Variants in FSIP2 observed in about 807,000 individuals in gnomAD.
FSIP2 encodes the protein fibrous sheath interacting protein 2.
Under a neutral mutation model 510.5 loss-of-function variants are expected in FSIP2, and 367 were observed. The observed-to-expected ratio is 0.72, with a 90% confidence interval of 0.66 to 0.78. The LOEUF (loss-of-function observed/expected upper bound fraction) is 0.78, where lower values mean the gene tolerates loss of function less well. Among genes scored for constraint, FSIP2 ranks in the 30% least tolerant of loss-of-function variants. The pLI is 0.00. For missense variants in FSIP2, 7,594 were observed against 7,901.7 expected, an observed-to-expected ratio of 0.96 and a Z score of 1.48; for synonymous variants, 2,601 against 2,732.2, an observed-to-expected ratio of 0.95 and a Z score of 1.50.
chr2:185,745,566 T>C lies in FSIP2; in HGVS notation c.615T>C (p.His205=). Reference sequence around the variant, plus strand: ...AGGACCAGGAGCGGCTGATGAGGCATAGGTAAGATTAAAGTTGAGGCATAT... The same window carrying C: ...AGGACCAGGAGCGGCTGATGAGGCACAGGTAAGATTAAAGTTGAGGCATAT... ...SIKDQERLMR[H]RYLDMISRKL... The change falls in exon 5 of 23, where the codon CAT becomes CAC. Residue 205 remains histidine, a splice_region_variant and synonymous_variant. Transcript: ENST00000424728. 1 of 1,530,210 alleles carries C rather than the reference T, an allele frequency of 6.5e-7. No homozygotes were observed. The highest frequency in any genetic ancestry group is 1.2e-5 in the South Asian group (1 of 83,030). 94.8% of individuals were successfully genotyped at this position (1,530,210 alleles called of 1,614,324 possible). A position where few individuals can be genotyped will look rare whatever the true frequency, so the allele number is the denominator to read the frequency against.
chr2:185,779,460 T>C (rs1692796447), intron 13 of FSIP2, among the ~76,000 whole-genome samples: 1 of 152,106 alleles, frequency 6.6e-6, no homozygotes, highest in Non-Finnish European at 1.5e-5. Flanking sequence ...GTGATAAGTC[T>C]GGTTAATTGG....
chr2:185,739,534 G>C, intron 2 of FSIP2, 63 bp downstream of exon 2: 1 of 1,332,324 alleles, frequency 7.5e-7, no homozygotes, highest in Non-Finnish European at 9.7e-7. Context: ...TAACTCAAAG[G>C]CTGCATCATA....
chr2:185,816,855 CAGAG>C (rs58545522), intron 19 of FSIP2, among the ~76,000 whole-genome samples: 753 of 139,240 alleles, frequency 5.4e-3, no homozygotes, highest in Middle Eastern at 0.014. Flanking sequence ...AACTCTGAGA[CAGAG>C]AGAGAGAGAG....
Position 185,805,172 on chromosome 2 carries a change from GT to G in FSIP2, c.15868del (p.Ser5290LeufsTer17). On this transcript the variant is annotated frameshift_variant, in exon 17 of 23. Coordinates refer to ENST00000424728, the MANE Select transcript of FSIP2 (RefSeq NM_173651.4). LOFTEE classifies it high-confidence loss of function. ...ATCATTGACCTTGTTCACAAATTTT[GT>G]TCTCTCCTCATTATTACTGAAGATT... is the stretch of plus-strand genomic sequence containing the variant. ...DIIIDLVHKF[C>X]SLLIITEDSK... 4 of 1,610,038 alleles carry G rather than the reference GT, an allele frequency of 2.5e-6. No individual in the cohort carries two copies. Among genetic ancestry groups the G allele is most frequent in the Non-Finnish European group, 3.4e-6 (4 of 1,177,734 alleles).
rs1042017012 is a variant in FSIP2, at chr2:185,830,905, TA to T, written c.20518-901del. Among the ~76,000 whole-genome samples, 19 of 152,020 alleles carry T rather than the reference TA, an allele frequency of 1.2e-4. 1 individual carries two copies. The Middle Eastern group carries it at 0.034, about 272-fold the overall frequency. ...TATGGGCCTCAGGGATCCATACTTT[TA>T]AAAAAAGTTTCATGGATAACTCTAT... On this transcript the variant is annotated intron_variant, in intron 21 of 22. Transcript: ENST00000424728.
chr2:185,794,284 T>G lies in FSIP2; in HGVS notation c.7148T>G (p.Phe2383Cys). Residue 2383 changes from phenylalanine to cysteine, a missense_variant, in exon 16 of 23, where the codon TTC becomes TGC. Physicochemically the swap from Phe to Cys is radical, Grantham distance 205 (BLOSUM62 -2). Transcript: ENST00000424728. ...TATCCATATCAAAACAATATTTTGT[T>G]CCAAGAAAACATCATTGTGAGTGAA... The part of the protein sequence containing the change: ...KIYPYQNNIL[F>C]QENIIVSEIV... 6.5e-7 allele frequency: 1 copy of G among 1,527,276 alleles called. No individual in the cohort carries two copies. The highest frequency in any genetic ancestry group is 8.8e-7 in the Non-Finnish European group (1 of 1,142,448). The allele number at this position is 1,527,276 out of a possible 1,614,324, so 94.6% of individuals were successfully genotyped here. A position where few individuals can be genotyped will look rare whatever the true frequency, so the allele number is the denominator to read the frequency against.
Position 185,790,714 on chromosome 2 carries a change from T to C in FSIP2, c.3578T>C (p.Ile1193Thr). Residue 1193 changes from isoleucine (I) to threonine (T), a missense_variant, in exon 16 of 23, where the codon ATT becomes ACT. Ile to Thr is a moderately conservative substitution (Grantham distance 89). Coordinates refer to ENST00000424728, the MANE Select transcript of FSIP2 (RefSeq NM_173651.4). ...NYISNTTKSS[I>T]SSSVHQISLH... ...ATTTCCAATACCACTAAAAGTTCCA[T>C]TTCATCATCAGTTCATCAGATTTCC... 6.5e-7 allele frequency: 1 copy of C among 1,533,918 alleles called. No homozygotes were observed. Among genetic ancestry groups the C allele is most frequent in the South Asian group, 1.2e-5 (1 of 83,990 alleles).
chr2:185,763,139 C>G (rs1033965486), intron 11 of FSIP2, 44 bp from the exon 12 acceptor site: 8 of 828,732 alleles, frequency 9.7e-6, no homozygotes, highest in Non-Finnish European at 1.6e-5. Context: ...CTTGTCCCAG[C>G]AATATCAGCT....
chr2:185,815,441 A>G lies in FSIP2; in HGVS notation c.20396A>G (p.Tyr6799Cys), dbSNP rs375237093. The G allele has an allele frequency of 2.0e-6, 3 of 1,487,486 alleles. No homozygotes were observed. Among genetic ancestry groups the G allele is most frequent in the African/African-American group, 2.8e-5 (2 of 70,680 alleles). The allele number at this position is 1,487,486 out of a possible 1,614,324, so 92.1% of individuals were successfully genotyped here. A position where few individuals can be genotyped will look rare whatever the true frequency, so the allele number is the denominator to read the frequency against. The change falls in exon 19 of 23, where the codon TAC becomes TGC. Residue 6799 changes from tyrosine (Y) to cysteine (C), a missense_variant. By Grantham distance (194) the Tyr-to-Cys change is radical (BLOSUM62 -2). Transcript: ENST00000424728. ...CACAGAATTATGAGTTCATCTTCAT[A>G]CAACCAAGAAGATCTCATTTCATCT... The part of the protein sequence containing the change: ...FIHRIMSSSS[Y>C]NQEDLISSTG...
At chr2:185,785,518 CA>C (rs1474740804) in intron 14 of FSIP2, among the ~76,000 whole-genome samples, 1 of 151,938 alleles carries the variant, frequency 6.6e-6, no homozygotes, top group Non-Finnish European at 1.5e-5. Context: ...AGCAGCAGTA[CA>C]AATCAGCAAA....
At chr2:185,826,293 C>G (rs35516047) in intron 20 of FSIP2, among the ~76,000 whole-genome samples, 82,569 of 151,606 alleles carry the variant, frequency 0.54, 22,737 homozygotes, top group South Asian at 0.64. Flanking sequence ...AACCCTAAAT[C>G]ATCTGGGCAT....
chr2:185,760,920 TG>T, intron 9 of FSIP2, 67 bp from the exon 10 acceptor site: 1 of 235,444 alleles, frequency 4.2e-6, no homozygotes, highest in Non-Finnish European at 7.6e-6. Context: ...TATTGTACTT[TG>T]ATTGTACTTT....
intron 14 of FSIP2, among the ~76,000 whole-genome samples, chr2:185,785,011 C>G (rs535414019): frequency 6.6e-6 from 1 of 152,022 alleles, no homozygotes; most frequent in Non-Finnish European, 1.5e-5. Context: ...TTTGCACTTT[C>G]GTGCTGTTTG....
intron 10 of FSIP2, 151 bp from the exon 11 acceptor site, chr2:185,761,821 A>T (rs1334640501): frequency 4.3e-6 from 2 of 464,860 alleles, no homozygotes; most frequent in African/African-American, 4.0e-5. Flanking sequence ...TAGGAGGTTG[A>T]TGATATGTAT....
At chr2:185,814,868 C>A (rs1054912323) in intron 18 of FSIP2, among the ~76,000 whole-genome samples, 7 of 151,950 alleles carry the variant, frequency 4.6e-5, no homozygotes, top group African/African-American at 1.7e-4. Context: ...TCTTGATTAT[C>A]CATTTGATGT....
intron 6 of FSIP2, 87 bp downstream of exon 6, chr2:185,746,897 C>T: frequency 1.1e-6 from 1 of 910,742 alleles, no homozygotes; most frequent in Non-Finnish European, 1.6e-6. Context: ...CATTGTGCTG[C>T]TTGAAGTCAT....
intron 19 of FSIP2, among the ~76,000 whole-genome samples, chr2:185,819,325 A>G (rs546503951): frequency 6.6e-6 from 1 of 152,094 alleles, no homozygotes; most frequent in East Asian, 1.9e-4. Flanking sequence ...CAAAATGGCA[A>G]AAGAACGTTC....
At chr2:185,775,921 C>G (rs770821244) in intron 13 of FSIP2, among the ~76,000 whole-genome samples, 37 of 152,302 alleles carry the variant, frequency 2.4e-4, no homozygotes, top group Non-Finnish European at 3.4e-4. Flanking sequence ...ACTTTGCCTT[C>G]TAAAGTGTTG....
Position 185,790,523 on chromosome 2 carries a change from A to G in FSIP2, c.3387A>G (p.Leu1129=). ...TATCTTCCGTTCCTTTTGGTCACTT[A>G]GACAGCAAAACTGGCAGTGAAGCTT... The part of the protein sequence containing the change: ...KDISSVPFGH[L]DSKTGSEASV... The change falls in exon 16 of 23, where the codon TTA becomes TTG. Residue 1129 remains leucine (L), a synonymous_variant. Transcript: ENST00000424728. 2 of 1,534,208 alleles carry G rather than the reference A, an allele frequency of 1.3e-6. No individual in the cohort carries two copies. The highest frequency in any genetic ancestry group is 1.7e-6 in the Non-Finnish European group (2 of 1,145,624).
Sources: allele counts gnomAD v4.1 joint callset (sites outside exome capture counted in the v4.1 genomes callset), GRCh38; gene constraint gnomAD v4.1.1; transcripts MANE v1.5; gene names NCBI Gene and HGNC (gene_info 2026-07-23, HGNC 2026-07-21).